ZNF704: variants seen among roughly 807,000 people sequenced by gnomAD.
The protein encoded by ZNF704 is zinc finger protein 704.
A neutral mutation model predicts 44.7 loss-of-function variants in ZNF704; 10 were observed. The observed-to-expected ratio is 0.22, with a 90% confidence interval of 0.14 to 0.38. The LOEUF (loss-of-function observed/expected upper bound fraction) is 0.38, where lower values mean the gene tolerates loss of function less well. Among genes scored for constraint, ZNF704 ranks in the 10% least tolerant of loss-of-function variants. The probability of loss-of-function intolerance (pLI) is 1.00; values close to 1 mark genes in which losing one functional copy is unlikely to be tolerated. For synonymous variants in ZNF704, 211 were observed against 207.6 expected, an observed-to-expected ratio of 1.02 and a Z score of -0.14; for missense variants, 390 against 545.5, an observed-to-expected ratio of 0.71 and a Z score of 2.84.
chr8:80,810,779 C>T (rs1178074957), intron 2 of ZNF704, among the ~76,000 whole-genome samples: 1 of 152,178 alleles, frequency 6.6e-6, no homozygotes, highest in South Asian at 2.1e-4. Context: ...GGAGTCATTT[C>T]CCTTCAGGGG....
At chr8:80,867,162 C>T (rs941122244) in intron 1 of ZNF704, among the ~76,000 whole-genome samples, 26 of 152,152 alleles carry the variant, frequency 1.7e-4, no homozygotes, top group African/African-American at 6.3e-4. Flanking sequence ...CATCTGTTAT[C>T]CTCTGTGTAT....
intron 2 of ZNF704, among the ~76,000 whole-genome samples, chr8:80,767,503 G>T (rs541250189): frequency 6.6e-6 from 1 of 152,028 alleles, no homozygotes; most frequent in East Asian, 1.9e-4. Flanking sequence ...ACACTGCCTC[G>T]TTTTCTACTC....
intron 2 of ZNF704, among the ~76,000 whole-genome samples, chr8:80,704,663 G>T (rs1450352041): frequency 2.6e-5 from 4 of 152,150 alleles, no homozygotes; most frequent in Non-Finnish European, 5.9e-5. Flanking sequence ...TACATACAAA[G>T]CCTCCATAAA....
chr8:80,666,095 C>T (rs907319938), intron 5 of ZNF704, among the ~76,000 whole-genome samples: 10 of 151,516 alleles, frequency 6.6e-5, no homozygotes, highest in African/African-American at 2.4e-4. Flanking sequence ...GGTATATCTC[C>T]CAACGCTATC....
chr8:80,857,232 G>C (rs1808978180), intron 1 of ZNF704, among the ~76,000 whole-genome samples: 1 of 151,746 alleles, frequency 6.6e-6, no homozygotes, highest in Non-Finnish European at 1.5e-5. Flanking sequence ...TATTTTTCTT[G>C]CCTTATCACA....
chr8:80,806,388 A>G (rs1807989566), intron 2 of ZNF704, among the ~76,000 whole-genome samples: 1 of 152,138 alleles, frequency 6.6e-6, no homozygotes, highest in South Asian at 2.1e-4. Context: ...AACATATACA[A>G]TGGGATGCCT....
At position 80,821,470 on chromosome 8, in the gene ZNF704, C is replaced by T. The variant is rs1164076187; in HGVS notation, c.125G>A (p.Arg42Gln). Residue 42 changes from arginine to glutamine, a missense_variant, in exon 2 of 9, where the codon CGG (arginine) becomes CAG (glutamine). This residue lies in a region of ZNF704 where 80 missense variants were observed against 83.7 expected (regional missense o/e 0.96). Coordinates refer to ENST00000327835, the MANE Select transcript of ZNF704 (RefSeq NM_001033723.3). ...VKTADTKKAS[R>Q]ILDHEKENTR... The stretch of plus-strand genomic sequence containing the variant: ...GTTTTCTTTTTCATGGTCAAGGATC[C>T]GGCTGGCTTTTTTGGTGTCTGCTGT... 8.7e-6 allele frequency: 14 copies of T among 1,614,076 alleles called. No individual in the cohort carries two copies. Among genetic ancestry groups the T allele is most frequent in the East Asian group, 2.2e-5 (1 of 44,872 alleles).
chr8:80,853,725 C>T (rs754504598), intron 1 of ZNF704, among the ~76,000 whole-genome samples: 5 of 152,104 alleles, frequency 3.3e-5, no homozygotes, highest in African/African-American at 4.8e-5. Flanking sequence ...GTTCTTTCAT[C>T]TTCTATTCAT....
chr8:80,729,566 C>T (rs778975313), intron 2 of ZNF704, among the ~76,000 whole-genome samples: 1 of 152,110 alleles, frequency 6.6e-6, no homozygotes, highest in Non-Finnish European at 1.5e-5. Flanking sequence ...AGTAATCCTG[C>T]TTCATTGAAT....
chr8:80,831,271 G>A (rs1016994721), intron 1 of ZNF704, among the ~76,000 whole-genome samples: 9 of 152,150 alleles, frequency 5.9e-5, no homozygotes, highest in East Asian at 1.9e-4. Flanking sequence ...GCCACATCCC[G>A]AGGCTTCCTT....
At chr8:80,659,398 G>A (rs1040534130) in intron 7 of ZNF704, among the ~76,000 whole-genome samples, 187 bp downstream of exon 7, 1 of 152,118 alleles carries the variant, frequency 6.6e-6, no homozygotes, top group Non-Finnish European at 1.5e-5. Context: ...TTTCTGAAAT[G>A]CCAGTCAAAA....
At position 80,809,921 on chromosome 8, in the gene ZNF704, C is replaced by A. The variant is rs180852450; in HGVS notation, c.221+11453G>T. 2.6e-4 allele frequency among the ~76,000 whole-genome samples: 39 copies of A among 152,028 alleles called. 1 individual carries two copies. Among genetic ancestry groups the A allele is most frequent in the Admixed American group, 2.6e-3 (39 of 15,266 alleles). Reference sequence around the variant, plus strand: ...TTATTGGCATCACCAACCATTTTTTCCATGCAGCTGCCCAAGCCAGCATTT... The same window carrying A: ...TTATTGGCATCACCAACCATTTTTTACATGCAGCTGCCCAAGCCAGCATTT... On this transcript the variant is annotated intron_variant, in intron 2 of 8. Transcript: ENST00000327835.
In ZNF704 at chr8:80,774,149, G is replaced by A. The variant is rs937115513; in HGVS notation, c.221+47225C>T. Reference sequence around the variant, plus strand: ...TAGCTGACTGCAGCCTCGATCTCTCGATCTCCCAGGCTCAAGTGATCCTCC... The same window carrying A: ...TAGCTGACTGCAGCCTCGATCTCTCAATCTCCCAGGCTCAAGTGATCCTCC... On this transcript the variant is annotated intron_variant, in intron 2 of 8. Coordinates refer to ENST00000327835, the MANE Select transcript of ZNF704 (RefSeq NM_001033723.3). 3.3e-5 allele frequency among the ~76,000 whole-genome samples: 5 copies of A among 151,436 alleles called. No homozygotes were observed. The South Asian group carries it at 8.3e-4, about 25-fold the overall frequency.
chr8:80,768,473 T>A (rs1042666604), intron 2 of ZNF704, among the ~76,000 whole-genome samples: 1 of 152,164 alleles, frequency 6.6e-6, no homozygotes, highest in East Asian at 1.9e-4. Context: ...TATTCAATAA[T>A]AATAAGGCAT....
intron 2 of ZNF704, among the ~76,000 whole-genome samples, chr8:80,697,398 A>G (rs538743165): frequency 6.6e-6 from 1 of 152,336 alleles, no homozygotes; most frequent in Admixed American, 6.5e-5. Flanking sequence ...TCTCATTTCA[A>G]CCTCAAAGTA....
chr8:80,805,509 C>G (rs952924733), intron 2 of ZNF704, among the ~76,000 whole-genome samples: 5 of 152,078 alleles, frequency 3.3e-5, no homozygotes, highest in African/African-American at 1.2e-4. Context: ...TTTCACTTAC[C>G]TAAGAGAAAT....
chr8:80,710,057 T>G (rs945547405), intron 2 of ZNF704, among the ~76,000 whole-genome samples: 2 of 152,180 alleles, frequency 1.3e-5, no homozygotes, highest in African/African-American at 4.8e-5. Context: ...TATGTGCTTT[T>G]CCTACCCAGC....
chr8:80,809,701 T>C (rs186341392), intron 2 of ZNF704, among the ~76,000 whole-genome samples: 1 of 152,348 alleles, frequency 6.6e-6, no homozygotes, highest in Admixed American at 6.5e-5. Context: ...GTACATTTAT[T>C]TACAACACGA....
intron 1 of ZNF704, among the ~76,000 whole-genome samples, chr8:80,851,882 T>A (rs1212155789): frequency 6.6e-6 from 1 of 152,100 alleles, no homozygotes; most frequent in Non-Finnish European, 1.5e-5. Context: ...GGAAAAGGCA[T>A]GAGACAACAA....
Sources: allele counts gnomAD v4.1 joint callset (sites outside exome capture counted in the v4.1 genomes callset), GRCh38; gene constraint gnomAD v4.1.1; regional missense constraint gnomAD v4.1.1; transcripts MANE v1.5; gene names NCBI Gene and HGNC (gene_info 2026-07-23, HGNC 2026-07-21).